Variants in SEC23B observed in about 807,000 individuals in gnomAD.
SEC23B encodes protein transport protein Sec23B.
In SEC23B, 77 loss-of-function variants were observed where a neutral mutation model predicts 104.3. The observed-to-expected ratio is 0.74, with a 90% confidence interval of 0.61 to 0.89. SEC23B has a LOEUF of 0.89. Among genes scored for constraint, SEC23B ranks in the 40% least tolerant of loss-of-function variants. The pLI is 0.00. For synonymous variants in SEC23B, 338 were observed against 332.5 expected (o/e 1.02, Z -0.18); for missense variants, 885 against 949.4 (o/e 0.93, Z 0.89).
At position 18,514,678 on chromosome 20, in the gene SEC23B, A is replaced by C. The variant is rs144505265; in HGVS notation, c.280-972A>C. ...ATTTGCAGAGAGTTTTAAAAACAAA[A>C]GAAAATGCCTGTGGCATTATGTTGA... On this transcript the variant is annotated intron_variant, in intron 3 of 19. Transcript: ENST00000650089. Among the ~76,000 whole-genome samples, 23 of 152,370 alleles carry C rather than the reference A, an allele frequency of 1.5e-4. 2 individuals carry two copies. The highest frequency in any genetic ancestry group is 5.3e-4 in the African/African-American group (22 of 41,580).
chr20:18,515,226 G>C (rs1223602038), intron 3 of SEC23B, among the ~76,000 whole-genome samples: 2 of 152,092 alleles, frequency 1.3e-5, no homozygotes, highest in East Asian at 3.9e-4. Flanking sequence ...TATAAGGCAG[G>C]GTTAGAAGTT....
intron 1 of SEC23B, among the ~76,000 whole-genome samples, chr20:18,509,249 A>G (rs1252779902): frequency 6.6e-6 from 1 of 152,198 alleles, no homozygotes; most frequent in African/African-American, 2.4e-5. Context: ...AAACATTGGA[A>G]TTCTTGTGTT....
intron 1 of SEC23B, among the ~76,000 whole-genome samples, chr20:18,508,714 T>TGC (rs1600221764): frequency 2.1e-5 from 2 of 97,058 alleles, no homozygotes; most frequent in East Asian, 6.2e-4. Flanking sequence ...AGGCAGTAGC[T>TGC]TCTTTTTTTT....
rs1388193190 is a variant in SEC23B at position 18,530,815 on chromosome 20, T to A, written c.1233+12T>A. On this transcript the variant is annotated intron_variant, in intron 10 of 19. Coordinates refer to ENST00000650089, the MANE Select transcript of SEC23B (RefSeq NM_006363.6). ...CTTTGGACGTAAAGGTACGGTAAAC[T>A]TTTTTTTTTTTTTATGTGGACTCAC... is the stretch of plus-strand genomic sequence containing the variant. 8.9e-6 allele frequency: 4 copies of A among 448,998 alleles called. No individual in the cohort carries two copies. The highest frequency in any genetic ancestry group is 1.3e-5 in the Non-Finnish European group (4 of 299,198). 27.8% of individuals were successfully genotyped at this position (448,998 alleles called of 1,614,324 possible).
rs868711834 is a variant in SEC23B, at chr20:18,555,245, A to G, written c.2214+72A>G. 1 of 1,279,762 alleles carries G rather than the reference A, an allele frequency of 7.8e-7. No homozygotes were observed. Among genetic ancestry groups the G allele is most frequent in the Middle Eastern group, 1.8e-4 (1 of 5,440 alleles). 79.3% of individuals were successfully genotyped at this position (1,279,762 alleles called of 1,614,324 possible). A position where few individuals can be genotyped will look rare whatever the true frequency, so the allele number is the denominator to read the frequency against. ...TTTAAACTTGTTTTAAAATTCTACAAATTGGATCTCTTTTGGCCTGGAGAC... is the reference window on the plus strand; with the variant it reads ...TTTAAACTTGTTTTAAAATTCTACAGATTGGATCTCTTTTGGCCTGGAGAC... On this transcript the variant is annotated intron_variant, in intron 19 of 19. Transcript: ENST00000650089.
chr20:18,508,031 G>T (rs1164953918), intron 1 of SEC23B, 59 bp downstream of exon 1: 1 of 152,816 alleles, frequency 6.5e-6, no homozygotes, highest in Non-Finnish European at 1.5e-5. Flanking sequence ...GAGGGCACGG[G>T]TATGAGTTTC....
intron 12 of SEC23B, among the ~76,000 whole-genome samples, chr20:18,539,776 C>T (rs1052654668): frequency 4.0e-5 from 6 of 151,702 alleles, no homozygotes. Context: ...TCCCGAGTAG[C>T]TGGGATTACA....
chr20:18,533,709 G>C (rs925838187), intron 11 of SEC23B, among the ~76,000 whole-genome samples: 1 of 152,144 alleles, frequency 6.6e-6, no homozygotes, highest in Non-Finnish European at 1.5e-5. Flanking sequence ...GAGGCAAGGT[G>C]ATTTGAGAGC....
chr20:18,535,645 A>AC lies in SEC23B; in HGVS notation c.1315-3dup. On this transcript the variant is annotated splice_region_variant and splice_polypyrimidine_tract_variant and intron_variant, in intron 11 of 19. Transcript: ENST00000650089. ...TTTTGTTTTTCAAATTCCTCTTCCC[A>AC]CCCCCAGGAGCTTGGTGTTGGTGGC... 1 of 1,613,184 alleles carries AC rather than the reference A, an allele frequency of 6.2e-7. No individual in the cohort carries two copies. Among genetic ancestry groups the AC allele is most frequent in the Non-Finnish European group, 8.5e-7 (1 of 1,179,324 alleles).
At position 18,560,110 on chromosome 20, in the gene SEC23B, A is replaced by G. The variant is rs61292247; in HGVS notation, c.2215-541A>G. On this transcript the variant is annotated intron_variant, in intron 19 of 19. Coordinates refer to ENST00000650089, the MANE Select transcript of SEC23B (RefSeq NM_006363.6). ...AAAGTGTATTATTGTGTGTGTGTGT[A>G]TATATATATATATTTTTAATTTCTT... Among the ~76,000 whole-genome samples, 193 of 22,696 alleles carry G rather than the reference A, an allele frequency of 8.5e-3. 2 individuals are homozygous for G. Among genetic ancestry groups the G allele is most frequent in the South Asian group, 0.013 (10 of 746 alleles). The allele number at this position is 22,696 out of a possible 152,430, so 14.9% of individuals were successfully genotyped here. A position where few individuals can be genotyped will look rare whatever the true frequency, so the allele number is the denominator to read the frequency against.
At chr20:18,543,819 C>T (rs973669086) in intron 14 of SEC23B, among the ~76,000 whole-genome samples, 2 of 152,176 alleles carry the variant, frequency 1.3e-5, no homozygotes, top group African/African-American at 4.8e-5. Flanking sequence ...ACTAGAAATT[C>T]ACTTTCTAGA....
intron 12 of SEC23B, among the ~76,000 whole-genome samples, chr20:18,539,095 C>T (rs1418146803): frequency 6.7e-6 from 1 of 149,798 alleles, no homozygotes; most frequent in Admixed American, 6.7e-5. Context: ...CACCTATAAT[C>T]CCAGCTACTC....
Position 18,542,367 on chromosome 20 carries a change from C to T in SEC23B, c.1476C>T (p.Thr492=). 6.2e-7 allele frequency: 1 copy of T among 1,614,198 alleles called. No homozygotes were observed. The highest frequency in any genetic ancestry group is 8.5e-7 in the Non-Finnish European group (1 of 1,180,044). ...QFVTHYQHSS[T]QRRIRVTTIA... is the part of the protein sequence containing the mutation. ...TCACGCATTATCAGCACTCCAGCAC[C>T]CAGAGACGCATCCGCGTGACCACCA... The change falls in exon 13 of 20, where the codon ACC becomes ACT. Residue 492 remains threonine (T), a synonymous_variant. Coordinates refer to ENST00000650089, the MANE Select transcript of SEC23B (RefSeq NM_006363.6).
At chr20:18,532,605 A>G (rs2060196779) in intron 10 of SEC23B, 59 bp from the exon 11 acceptor site, 1 of 1,196,804 alleles carries the variant, frequency 8.4e-7, no homozygotes, top group Non-Finnish European at 1.3e-6. Flanking sequence ...TGTGGCCATG[A>G]TGACAGCAGG....
chr20:18,538,472 C>T (rs1024038199), intron 12 of SEC23B, among the ~76,000 whole-genome samples: 2 of 151,892 alleles, frequency 1.3e-5, no homozygotes, highest in Non-Finnish European at 2.9e-5. Context: ...CCAGGATGGT[C>T]TCGATCTCCT....
chr20:18,530,854 C>A, intron 10 of SEC23B, 51 bp downstream of exon 10: 1 of 1,498,926 alleles, frequency 6.7e-7, no homozygotes, highest in Non-Finnish European at 9.2e-7. Flanking sequence ...ACTGCCCAGG[C>A]TGGTCTCAAA....
intron 11 of SEC23B, among the ~76,000 whole-genome samples, chr20:18,533,627 GTCT>G (rs1221096853): frequency 6.6e-6 from 1 of 152,226 alleles, no homozygotes; most frequent in African/African-American, 2.4e-5. Flanking sequence ...GGAAGTGTGG[GTCT>G]TCTTTCATGT....
Position 18,545,808 on chromosome 20 carries a change from G to C in SEC23B, c.1666-148G>C, listed in dbSNP as rs116352690. Reference sequence around the variant, plus strand: ...GTCATTTGCCTGCTCACTGATGCTTGAGAAGTGCTAGTCTAGGACTTATAG... The same window carrying C: ...GTCATTTGCCTGCTCACTGATGCTTCAGAAGTGCTAGTCTAGGACTTATAG... On this transcript the variant is annotated intron_variant, in intron 14 of 19. Coordinates refer to ENST00000650089, the MANE Select transcript of SEC23B (RefSeq NM_006363.6). 9.7e-4 allele frequency: 662 copies of C among 682,186 alleles called. 4 individuals are homozygous for C. The African/African-American group carries it at 0.011, about 11-fold the overall frequency. The allele number at this position is 682,186 out of a possible 1,614,324, so 42.3% of individuals were successfully genotyped here. A position where few individuals can be genotyped will look rare whatever the true frequency, so the allele number is the denominator to read the frequency against.
chr20:18,540,440 A>G (rs2060277328), intron 12 of SEC23B, among the ~76,000 whole-genome samples: 1 of 152,210 alleles, frequency 6.6e-6, no homozygotes, highest in South Asian at 2.1e-4. Context: ...ATTGCTGTAC[A>G]CAGATGTGCT....
Sources: gnomAD v4.1 joint callset for allele counts (sites outside exome capture counted in the v4.1 genomes callset) on GRCh38, gnomAD v4.1.1 for gene constraint, MANE v1.5 for transcripts, NCBI Gene and HGNC (gene_info 2026-07-23, HGNC 2026-07-21) for gene names.